TBC1D22A: variants seen among roughly 807,000 people sequenced by gnomAD.
TBC1D22A encodes putative GTPase activator.
In TBC1D22A, 38 loss-of-function variants were observed where a neutral mutation model predicts 60.2. The observed-to-expected ratio is 0.63, with a 90% CI of 0.49 to 0.83. The LOEUF is 0.83. TBC1D22A is among the 40% of genes least tolerant of loss of function. The pLI is 0.00. For missense variants in TBC1D22A, 628 were observed against 701.0 expected (o/e 0.90, Z 1.18); for synonymous variants, 302 against 281.7 (o/e 1.07, Z -0.72).
At chr22:46,827,256 C>T (rs962078245) in intron 4 of TBC1D22A, among the ~76,000 whole-genome samples, 3 of 152,318 alleles carry the variant, frequency 2.0e-5, no homozygotes, top group South Asian at 2.1e-4. Context: ...GCCGTCACCA[C>T]GCGATGGTGT....
At chr22:47,041,074 C>T (rs905534688) in intron 11 of TBC1D22A, among the ~76,000 whole-genome samples, 2 of 152,192 alleles carry the variant, frequency 1.3e-5, no homozygotes, top group Admixed American at 6.5e-5. Context: ...TTTCCTATCC[C>T]CTAGTGACTT....
chr22:46,915,973 G>T lies in TBC1D22A; in HGVS notation c.1015+3785G>T, dbSNP rs1031059866. ...TCTTTGACTTGGAAAGAAGGATGTG[G>T]TGGGCTTCAGATTCCCATCCTTGCT... On this transcript the variant is annotated intron_variant, in intron 8 of 12. Coordinates refer to ENST00000337137, the MANE Select transcript of TBC1D22A (RefSeq NM_014346.5). The T allele has an allele frequency of 2.0e-5, 9 of 452,222 alleles. No individual in the cohort carries two copies. The Admixed American group carries it at 2.1e-4, about 11-fold the overall frequency. The allele number at this position is 452,222 out of a possible 1,614,324, so 28.0% of individuals were successfully genotyped here.
At chr22:46,798,060 C>T (rs1053982516) in intron 4 of TBC1D22A, among the ~76,000 whole-genome samples, 9 of 152,078 alleles carry the variant, frequency 5.9e-5, no homozygotes, top group Non-Finnish European at 1.3e-4. Flanking sequence ...ATTTTTTCTA[C>T]AGATACGGGT....
At chr22:46,949,185 C>T (rs2072742080) in intron 8 of TBC1D22A, among the ~76,000 whole-genome samples, 1 of 151,760 alleles carries the variant, frequency 6.6e-6, no homozygotes, top group Admixed American at 6.5e-5. Flanking sequence ...CCTGTCTTCA[C>T]ACCTGACCCT....
intron 8 of TBC1D22A, among the ~76,000 whole-genome samples, chr22:46,960,954 CAAAAAAAAAAAAA>C (rs397868006): frequency 0.028 from 1,326 of 47,830 alleles, 45 homozygotes; most frequent in African/African-American, 0.092. Flanking sequence ...GACACCATCT[CAAAAAAAAAAAAA>C]AAAAAAAAAA....
chr22:46,894,842 C>T lies in TBC1D22A; in HGVS notation c.896C>T (p.Thr299Met), dbSNP rs147682361. The change falls in exon 7 of 13, where the codon ACG becomes ATG. Residue 299 changes from threonine (T) to methionine (M), a missense_variant. Thr to Met is a moderately conservative substitution (Grantham distance 81, BLOSUM62 -1). Coordinates refer to ENST00000337137, the MANE Select transcript of TBC1D22A (RefSeq NM_014346.5). ...GCGTTGATCCTGCAGCCCAAGGTGA[C>T]GGAGGTAAGAAGCTCTTGCCGTGGG... The part of the protein sequence containing the change: ...PEALILQPKV[T>M]EIFERILFIW... 855 of 1,614,200 alleles carry T rather than the reference C, an allele frequency of 5.3e-4. No individual in the cohort carries two copies. Among genetic ancestry groups the T allele is most frequent in the Non-Finnish European group, 6.2e-4 (733 of 1,180,032 alleles).
rs966107663 is a variant in TBC1D22A at position 46,930,859 on chromosome 22, C to T, written c.1015+18671C>T. On this transcript the variant is annotated intron_variant, in intron 8 of 12. Transcript: ENST00000337137. The stretch of plus-strand genomic sequence containing the variant: ...ATTATGGGGATGAATAAGGGGCTCT[C>T]CTTCCTTCCTGCCTTTCTACCTTAC... Among the ~76,000 whole-genome samples, 6 of 152,144 alleles carry T rather than the reference C, an allele frequency of 3.9e-5. 1 individual carries two copies. The highest frequency in any genetic ancestry group is 1.4e-4 in the African/African-American group (6 of 41,428).
chr22:46,764,861 G>C (rs2083231412), intron 1 of TBC1D22A, among the ~76,000 whole-genome samples: 1 of 152,184 alleles, frequency 6.6e-6, no homozygotes, highest in Non-Finnish European at 1.5e-5. Context: ...ACTTGACAGA[G>C]AGCATGGCCC....
At chr22:47,006,479 C>T (rs2061594470) in intron 10 of TBC1D22A, among the ~76,000 whole-genome samples, 1 of 152,218 alleles carries the variant, frequency 6.6e-6, no homozygotes, top group Admixed American at 6.5e-5. Flanking sequence ...TTGGCTGGAT[C>T]TTGGCGGTGA....
chr22:46,989,083 T>G (rs563900680), intron 9 of TBC1D22A, among the ~76,000 whole-genome samples: 1 of 152,376 alleles, frequency 6.6e-6, no homozygotes, highest in East Asian at 1.9e-4. Context: ...CCTGATGAAC[T>G]GACCTCTGCT....
At chr22:46,903,161 G>A (rs980400579) in intron 7 of TBC1D22A, among the ~76,000 whole-genome samples, 20 of 152,196 alleles carry the variant, frequency 1.3e-4, no homozygotes, top group Non-Finnish European at 2.9e-4. Flanking sequence ...CCAGCCTCAC[G>A]CCCTGCAGGG....
intron 8 of TBC1D22A, among the ~76,000 whole-genome samples, chr22:46,967,866 T>G (rs111423234): frequency 1.9e-4 from 27 of 145,890 alleles, no homozygotes; most frequent in South Asian, 1.2e-3. Context: ...TATGATTCCA[T>G]TGCACCCCCT....
intron 9 of TBC1D22A, among the ~76,000 whole-genome samples, chr22:46,981,160 C>A (rs1035766673): frequency 6.6e-6 from 1 of 152,144 alleles, no homozygotes; most frequent in African/African-American, 2.4e-5. Flanking sequence ...AGTATCACTG[C>A]CAGTGGATAC....
In TBC1D22A at chr22:46,763,212, G is replaced by A. The variant is rs916859613; in HGVS notation, c.62+364G>A. 1.2e-5 allele frequency: 3 copies of A among 250,780 alleles called. No individual in the cohort carries two copies. The East Asian group carries it at 2.5e-4, about 21-fold the overall frequency. The allele number at this position is 250,780 out of a possible 1,614,324, so 15.5% of individuals were successfully genotyped here. On this transcript the variant is annotated intron_variant, in intron 1 of 12. Transcript: ENST00000337137. ...GAAGCTGGCCGGGCTGAGGCCCCCCGTCTGCTGGGTGGATCAGTTTCTGCA... is the reference window on the plus strand; with the variant it reads ...GAAGCTGGCCGGGCTGAGGCCCCCCATCTGCTGGGTGGATCAGTTTCTGCA...
In TBC1D22A at chr22:47,045,303, T is replaced by C. The variant is rs371361900; in HGVS notation, c.1329+8105T>C. Among the ~76,000 whole-genome samples, 50 of 152,330 alleles carry C rather than the reference T, an allele frequency of 3.3e-4. No individual in the cohort carries two copies. In the South Asian group the frequency reaches 9.9e-3, roughly 30 times the overall value. On this transcript the variant is annotated intron_variant, in intron 11 of 12. Coordinates refer to ENST00000337137, the MANE Select transcript of TBC1D22A (RefSeq NM_014346.5). ...CGTGATGCAGAGCCACGGTCACGGC[T>C]GCGCTCCTCCGCGGTTTGGAAGTCC... is the stretch of plus-strand genomic sequence containing the variant.
At chr22:47,154,927 AGAAGTGG>A (rs2067652874) in intron 12 of TBC1D22A, among the ~76,000 whole-genome samples, 1 of 152,222 alleles carries the variant, frequency 6.6e-6, no homozygotes, top group African/African-American at 2.4e-5. Context: ...TGCCTCCTCT[AGAAGTGG>A]GCGTCCTTCC....
chr22:46,926,908 TTAAA>T (rs1242225167), intron 8 of TBC1D22A, among the ~76,000 whole-genome samples: 6 of 152,214 alleles, frequency 3.9e-5, no homozygotes, highest in African/African-American at 1.2e-4. Flanking sequence ...CATCAATAAT[TTAAA>T]TAATGTTAAC....
chr22:47,016,954 C>T (rs188205537), intron 10 of TBC1D22A, among the ~76,000 whole-genome samples: 13 of 152,344 alleles, frequency 8.5e-5, no homozygotes, highest in Admixed American at 2.6e-4. Flanking sequence ...TCCCAGTGTC[C>T]GCTGATGGTT....
chr22:46,941,684 A>ATATATACGCGGAATATATATACGGAATG lies in TBC1D22A; in HGVS notation c.1015+29508_1015+29509insATATATATACGGAATGTATATACGCGGA, dbSNP rs1569249075. On this transcript the variant is annotated intron_variant, in intron 8 of 12. Transcript: ENST00000337137. ...TATACGCGGAATATATATACGGAAT[A>ATATATACGCGGAATATATATACGGAATG]TATATACGCGGATTATATATGCGGA... Among the ~76,000 whole-genome samples, 21 of 142,412 alleles carry ATATATACGCGGAATATATATACGGAATG rather than the reference A, an allele frequency of 1.5e-4. 2 individuals are homozygous for ATATATACGCGGAATATATATACGGAATG. Among genetic ancestry groups the ATATATACGCGGAATATATATACGGAATG allele is most frequent in the African/African-American group, 5.3e-4 (19 of 36,066 alleles). The allele number at this position is 142,412 out of a possible 152,430, so 93.4% of individuals were successfully genotyped here.
Sources: gnomAD v4.1 joint callset for allele counts (sites outside exome capture counted in the v4.1 genomes callset) on GRCh38, gnomAD v4.1.1 for gene constraint, MANE v1.5 for transcripts, NCBI Gene and HGNC (gene_info 2026-07-23, HGNC 2026-07-21) for gene names.